EML1: variants seen among roughly 807,000 people sequenced by gnomAD.
EML1 encodes the protein EMAP like 1.
Under a neutral mutation model 110.4 loss-of-function variants are expected in EML1, and 27 were observed. The observed-to-expected ratio is 0.24, with a 90% CI of 0.18 to 0.34. EML1 has a LOEUF of 0.34. Ranked by LOEUF, EML1 falls within the 10% of genes least tolerant of loss-of-function variation. EML1 has a pLI of 1.00. For synonymous variants in EML1, 344 were observed against 385.8 expected, an observed-to-expected ratio of 0.89 and a Z score of 1.27; for missense variants, 741 against 1,030.9, an observed-to-expected ratio of 0.72 and a Z score of 3.85.
intron 1 of EML1, among the ~76,000 whole-genome samples, chr14:99,833,358 G>T (rs2058491280): frequency 6.6e-6 from 1 of 152,104 alleles, no homozygotes; most frequent in Admixed American, 6.5e-5. Context: ...ATTCTATTCT[G>T]TTGATCTGTT....
At chr14:99,881,034 G>A (rs1192835080) in intron 4 of EML1, among the ~76,000 whole-genome samples, 4 of 152,320 alleles carry the variant, frequency 2.6e-5, no homozygotes, top group East Asian at 1.9e-4. Flanking sequence ...TGTGTCTAAC[G>A]TAGTTGGGGG....
rs2057580235 is a variant in EML1, at chr14:99,784,743, C to T, written c.-27+10730C>T. Among the ~76,000 whole-genome samples, 1 of 152,246 alleles carries T rather than the reference C, an allele frequency of 6.6e-6. No homozygotes were observed. The highest frequency in any genetic ancestry group is 2.4e-5 in the African/African-American group (1 of 41,474). On this transcript the variant is annotated intron_variant, in intron 1 of 22. Transcript: ENST00000327921. This position sits in a 1 kb window ranked among gnomAD's most constrained non-coding sequence, Gnocchi z 4.5. The stretch of plus-strand genomic sequence containing the variant: ...CCAGGCCGGATGACACACGGGAAAA[C>T]AAGGAGCTGGCTTCACCAGGCTGAC...
At chr14:99,739,258 C>T (rs766984589) in intron 1 of EML1, among the ~76,000 whole-genome samples, 8 of 151,860 alleles carry the variant, frequency 5.3e-5, no homozygotes, top group East Asian at 1.9e-4. Flanking sequence ...GCGGGAGCCC[C>T]GGGAGCCAGC....
rs1403647220 is a variant in EML1, at chr14:99,901,627, A to AT, written c.1008+589dup. ...TATTCATGCCTCCCCTTTTTAGACC[A>AT]TATAGGGTAACTTCCTGATGCTGCC... On this transcript the variant is annotated intron_variant, in intron 9 of 21. Transcript: ENST00000262233. Among the ~76,000 whole-genome samples, 6 of 152,320 alleles carry AT rather than the reference A, an allele frequency of 3.9e-5. No individual in the cohort carries two copies. In the East Asian group the frequency reaches 1.2e-3, roughly 29 times the overall value.
At chr14:99,894,920 G>A (rs1321263019) in intron 6 of EML1, among the ~76,000 whole-genome samples, 162 bp downstream of exon 6, 1 of 152,206 alleles carries the variant, frequency 6.6e-6, no homozygotes, top group Non-Finnish European at 1.5e-5. Context: ...TTGACTATAT[G>A]TTAGAGACCT....
At chr14:99,739,848 T>C (rs1480455535) in intron 1 of EML1, among the ~76,000 whole-genome samples, 3 of 152,140 alleles carry the variant, frequency 2.0e-5, no homozygotes, top group African/African-American at 7.2e-5. Flanking sequence ...TATTTTCACC[T>C]GTTTTCAGTA....
intron 1 of EML1, among the ~76,000 whole-genome samples, chr14:99,741,021 G>A (rs940279907): frequency 2.0e-5 from 3 of 152,212 alleles, no homozygotes; most frequent in South Asian, 2.1e-4. Flanking sequence ...ACAATCCTAA[G>A]CACCGAAGAG....
chr14:99,850,432 T>C (rs1595377913), intron 1 of EML1: 2 of 980,326 alleles, frequency 2.0e-6, no homozygotes, highest in Admixed American at 4.8e-5. Flanking sequence ...GCCTTGTGAT[T>C]GTATGACCTA....
intron 1 of EML1, among the ~76,000 whole-genome samples, chr14:99,843,364 C>T (rs886831876): frequency 6.6e-6 from 1 of 152,148 alleles, no homozygotes; most frequent in East Asian, 1.9e-4. Flanking sequence ...TTTGCATAAC[C>T]GTTGAGACAG....
At chr14:99,798,664 T>C (rs2057820402) in intron 1 of EML1, among the ~76,000 whole-genome samples, 1 of 152,208 alleles carries the variant, frequency 6.6e-6, no homozygotes, top group South Asian at 2.1e-4. Flanking sequence ...AGTGCTAGGA[T>C]TATAGGCATG....
intron 1 of EML1, among the ~76,000 whole-genome samples, chr14:99,754,945 G>A (rs763616542): frequency 2.6e-5 from 4 of 152,238 alleles, no homozygotes; most frequent in Admixed American, 6.5e-5. Flanking sequence ...GAGGGGACAG[G>A]TGGCCGTGAG....
chr14:99,784,516 A>T lies in EML1; in HGVS notation c.-27+10503A>T, dbSNP rs2140219797. On this transcript the variant is annotated intron_variant, in intron 1 of 22. Coordinates refer to the EML1 transcript ENST00000327921. This position sits in a 1 kb window ranked among gnomAD's most constrained non-coding sequence, Gnocchi z 4.5. Reference sequence around the variant, plus strand: ...TCATTAGGAATACTTTTGGGTAAATAGCCTACTGGGTTTCTTAGATAATAG... The same window carrying T: ...TCATTAGGAATACTTTTGGGTAAATTGCCTACTGGGTTTCTTAGATAATAG... Among the ~76,000 whole-genome samples the T allele has an allele frequency of 6.6e-6, 1 of 152,386 alleles. No homozygotes were observed. Among genetic ancestry groups the T allele is most frequent in the African/African-American group, 2.4e-5 (1 of 41,594 alleles).
chr14:99,815,809 G>A (rs952858211), intron 1 of EML1, among the ~76,000 whole-genome samples: 3 of 152,096 alleles, frequency 2.0e-5, no homozygotes, highest in Non-Finnish European at 4.4e-5. Flanking sequence ...AAATTGCGTC[G>A]GTGACATCAG....
At position 99,901,050 on chromosome 14, in the gene EML1, G is replaced by A. The variant is rs2059754800; in HGVS notation, c.1008+11G>A. ...GCATTCTCAAAATCTGTAAGTATGT[G>A]CCCTGTGGATATTGCTGTCTTCTTC... On this transcript the variant is annotated intron_variant, in intron 9 of 21. Coordinates refer to ENST00000262233, the MANE Select transcript of EML1 (RefSeq NM_004434.3). The A allele has an allele frequency of 6.2e-7, 1 of 1,606,136 alleles. No homozygotes were observed. Among genetic ancestry groups the A allele is most frequent in the Non-Finnish European group, 8.5e-7 (1 of 1,172,814 alleles).
At chr14:99,926,280 T>TG (rs201610977) in intron 17 of EML1, among the ~76,000 whole-genome samples, 4 of 117,374 alleles carry the variant, frequency 3.4e-5, no homozygotes, top group African/African-American at 5.6e-5. Flanking sequence ...TTGTGTTTTT[T>TG]GGGGTTTTTT....
At chr14:99,802,483 T>G (rs10145158) in intron 1 of EML1, among the ~76,000 whole-genome samples, 18,050 of 151,864 alleles carry the variant, frequency 0.12, 1,963 homozygotes, top group African/African-American at 0.29. Flanking sequence ...GCAATGGTGA[T>G]TCACCCTGGG....
rs1251744096 is a variant in EML1 at position 99,846,281 on chromosome 14, A to ATTTTT, written c.68-4557_68-4553dup. On this transcript the variant is annotated intron_variant, in intron 1 of 21. Transcript: ENST00000262233. ...GCCATTCTTATTTTTCCAGCTGGTG[A>ATTTTT]TTTTTTTTTTTTTTTTTTTGAGACA... Among the ~76,000 whole-genome samples, 285 of 109,972 alleles carry ATTTTT rather than the reference A, an allele frequency of 2.6e-3. 9 individuals are homozygous for ATTTTT. Among genetic ancestry groups the ATTTTT allele is most frequent in the Non-Finnish European group, 3.6e-3 (200 of 55,002 alleles). The allele number at this position is 109,972 out of a possible 152,430, so 72.1% of individuals were successfully genotyped here. A position where few individuals can be genotyped will look rare whatever the true frequency, so the allele number is the denominator to read the frequency against.
rs193039225 is a variant in EML1, at chr14:99,882,216, A to G, written c.518+3597A>G. 2.0e-5 allele frequency among the ~76,000 whole-genome samples: 3 copies of G among 152,352 alleles called. No individual in the cohort carries two copies. In the East Asian group the frequency reaches 5.8e-4, roughly 29 times the overall value. On this transcript the variant is annotated intron_variant, in intron 4 of 21. Coordinates refer to ENST00000262233, the MANE Select transcript of EML1 (RefSeq NM_004434.3). ...TACATTTAAATAGAGAATTGGCAATAACATCGTGATGGAAGGCTTGTAAAA... is the reference window on the plus strand; with the variant it reads ...TACATTTAAATAGAGAATTGGCAATGACATCGTGATGGAAGGCTTGTAAAA...
chr14:99,741,523 G>A (rs1029778693), intron 1 of EML1, among the ~76,000 whole-genome samples: 4 of 152,078 alleles, frequency 2.6e-5, no homozygotes, highest in Admixed American at 6.6e-5. Context: ...GTCAAGGATG[G>A]TTTTCCAAGC....
Sources: gnomAD v4.1 joint callset for allele counts (sites outside exome capture counted in the v4.1 genomes callset) on GRCh38, gnomAD v4.1.1 for gene constraint, Gnocchi (gnomAD v3.1) non-coding constraint, MANE v1.5 for transcripts, NCBI Gene and HGNC (gene_info 2026-07-23, HGNC 2026-07-21) for gene names.